CCDC68: variants seen among roughly 807,000 people sequenced by gnomAD.
CCDC68 encodes coiled-coil domain-containing protein 68.
Under a neutral mutation model 47.1 loss-of-function variants are expected in CCDC68, and 45 were observed. That is an observed-to-expected ratio of 0.96 (90% CI 0.75 to 1.23). The LOEUF is 1.23. Ranked by LOEUF, CCDC68 falls within the 50% of genes most tolerant of loss-of-function variation. The probability of loss-of-function intolerance (pLI) is 0.00; values close to 1 mark genes in which losing one functional copy is unlikely to be tolerated. For synonymous variants in CCDC68, 131 were observed against 129.5 expected, an observed-to-expected ratio of 1.01 and a Z score of -0.08; for missense variants, 353 against 373.6, an observed-to-expected ratio of 0.94 and a Z score of 0.45.
chr18:54,953,329 A>G (rs973018190), intron 1 of CCDC68, among the ~76,000 whole-genome samples: 2 of 152,156 alleles, frequency 1.3e-5, no homozygotes, highest in Non-Finnish European at 2.9e-5. Context: ...GAATTTGTAC[A>G]TGTTATTTAA....
chr18:54,926,318 A>G (rs7244554), intron 8 of CCDC68, among the ~76,000 whole-genome samples: 8 of 152,180 alleles, frequency 5.3e-5, no homozygotes, highest in Non-Finnish European at 7.4e-5. Context: ...GCAAGTAAAC[A>G]TGTCCTTCTT....
At chr18:54,938,613 T>C (rs565822353) in intron 4 of CCDC68, among the ~76,000 whole-genome samples, 22 of 152,188 alleles carry the variant, frequency 1.4e-4, no homozygotes, top group Non-Finnish European at 2.8e-4. Flanking sequence ...TCACTGAAAA[T>C]ACACTTGGAA....
At position 54,928,112 on chromosome 18, in the gene CCDC68, G is replaced by A. The variant is rs142356213; in HGVS notation, c.683+688C>T. Reference sequence around the variant, plus strand: ...AATTATATCGGAACATACAATGACTGTGTTGGACTTAGAATTTTTTAAAAA... The same window carrying A: ...AATTATATCGGAACATACAATGACTATGTTGGACTTAGAATTTTTTAAAAA... On this transcript the variant is annotated intron_variant, in intron 8 of 11. Coordinates refer to ENST00000591504, the MANE Select transcript of CCDC68 (RefSeq NM_025214.3). Among the ~76,000 whole-genome samples the A allele has an allele frequency of 2.9e-3, 441 of 152,284 alleles. 3 individuals carry two copies. Among genetic ancestry groups the A allele is most frequent in the African/African-American group, 9.6e-3 (399 of 41,548 alleles).
intron 8 of CCDC68, among the ~76,000 whole-genome samples, chr18:54,920,003 GA>G (rs909940152): frequency 6.6e-6 from 1 of 151,642 alleles, no homozygotes; most frequent in African/African-American, 2.4e-5. Context: ...CATCATTATG[GA>G]AAAAAAAGTC....
At chr18:54,940,224 C>T (rs1347331909) in intron 4 of CCDC68, among the ~76,000 whole-genome samples, 2 of 152,166 alleles carry the variant, frequency 1.3e-5, no homozygotes, top group African/African-American at 4.8e-5. Context: ...GTCTTCTACC[C>T]GCAGCTCCAG....
At chr18:54,944,762 A>G (rs577620117) in intron 2 of CCDC68, among the ~76,000 whole-genome samples, 43 of 152,346 alleles carry the variant, frequency 2.8e-4, no homozygotes, top group African/African-American at 9.6e-4. Flanking sequence ...TAGAAAATCT[A>G]TATTTTGCAA....
intron 11 of CCDC68, among the ~76,000 whole-genome samples, chr18:54,906,530 C>G (rs1568129429): frequency 6.6e-6 from 1 of 152,062 alleles, no homozygotes; most frequent in East Asian, 1.9e-4. Context: ...CCATTCTGGC[C>G]CCATTCCCTC....
intron 1 of CCDC68, among the ~76,000 whole-genome samples, chr18:54,948,658 C>T (rs2044565043): frequency 1.3e-5 from 2 of 152,204 alleles, no homozygotes; most frequent in African/African-American, 4.8e-5. Flanking sequence ...GTGTTAGGAA[C>T]TGTGGTTACA....
At chr18:54,914,449 C>G (rs560340258) in intron 10 of CCDC68, among the ~76,000 whole-genome samples, 1 of 152,172 alleles carries the variant, frequency 6.6e-6, no homozygotes, top group Non-Finnish European at 1.5e-5. Flanking sequence ...GAAACCTTGT[C>G]TCTACTAAAA....
chr18:54,942,586 T>C (rs894894173), intron 3 of CCDC68, 89 bp downstream of exon 3: 18 of 781,028 alleles, frequency 2.3e-5, no homozygotes, highest in Non-Finnish European at 3.6e-5. Context: ...ACATATGTTC[T>C]ATGGAGAGGG....
intron 4 of CCDC68, among the ~76,000 whole-genome samples, chr18:54,938,554 A>G (rs2044387428): frequency 6.6e-6 from 1 of 152,258 alleles, no homozygotes; most frequent in Non-Finnish European, 1.5e-5. Flanking sequence ...CCAATCAGAG[A>G]TATCAGAACT....
chr18:54,915,877 C>T (rs761848187), intron 10 of CCDC68, among the ~76,000 whole-genome samples: 6 of 151,856 alleles, frequency 4.0e-5, no homozygotes, highest in Admixed American at 2.6e-4. Flanking sequence ...TGCAGTGAGC[C>T]GAGATCATGC....
At position 54,936,952 on chromosome 18, in the gene CCDC68, C is replaced by T. The variant is rs2044359810; in HGVS notation, c.352G>A (p.Ala118Thr). Residue 118 changes from alanine to threonine, a missense_variant, in exon 6 of 12, where the codon GCC becomes ACC. Transcript: ENST00000591504. Reference sequence around the variant, plus strand: ...GCTGCTGCTCCTGCTTCTCTGGAGGCTTGCAGCTAGAAAAAAGGTCACTAT... The same window carrying T: ...GCTGCTGCTCCTGCTTCTCTGGAGGTTTGCAGCTAGAAAAAAGGTCACTAT... The part of the protein sequence containing the change: ...ENEVLKIKLQ[A>T]SREAGAAALR... 6 of 1,613,920 alleles carry T rather than the reference C, an allele frequency of 3.7e-6. No individual in the cohort carries two copies. The highest frequency in any genetic ancestry group is 5.1e-6 in the Non-Finnish European group (6 of 1,180,008).
chr18:54,941,898 C>T (rs1489178415), intron 3 of CCDC68, among the ~76,000 whole-genome samples: 3 of 152,194 alleles, frequency 2.0e-5, no homozygotes, highest in South Asian at 2.1e-4. Flanking sequence ...TGGGTTCAAG[C>T]GATTCTCCTG....
chr18:54,953,759 A>C (rs2145658472), intron 1 of CCDC68, among the ~76,000 whole-genome samples: 1 of 152,352 alleles, frequency 6.6e-6, no homozygotes, highest in South Asian at 2.1e-4. Context: ...AGAAGGAAAT[A>C]TACAATAATA....
chr18:54,953,165 G>C (rs2044647369), intron 1 of CCDC68, among the ~76,000 whole-genome samples: 1 of 152,132 alleles, frequency 6.6e-6, no homozygotes, highest in Admixed American at 6.5e-5. Context: ...GAATCAAAAG[G>C]GATAGTGGTT....
chr18:54,923,195 G>A (rs2044091470), intron 8 of CCDC68, among the ~76,000 whole-genome samples: 1 of 152,078 alleles, frequency 6.6e-6, no homozygotes, highest in South Asian at 2.1e-4. Context: ...AAGACGCCTC[G>A]CAGAGGCAAG....
At chr18:54,904,468 T>C (rs1913867931) in intron 11 of CCDC68, 53 bp from the exon 12 acceptor site, 1 of 1,405,964 alleles carries the variant, frequency 7.1e-7, no homozygotes, top group Admixed American at 1.7e-5. Flanking sequence ...ACTCTAGTGA[T>C]TATGGCTAGA....
intron 9 of CCDC68, 60 bp downstream of exon 9, chr18:54,919,211 A>T: frequency 1.5e-6 from 2 of 1,317,612 alleles, no homozygotes; most frequent in Non-Finnish European, 2.2e-6. Context: ...AGCCACTCGT[A>T]TTTGGGCTCC....
Sources: gnomAD v4.1 joint callset for allele counts (sites outside exome capture counted in the v4.1 genomes callset) on GRCh38, gnomAD v4.1.1 for gene constraint, MANE v1.5 for transcripts, NCBI Gene and HGNC (gene_info 2026-07-23, HGNC 2026-07-21) for gene names.